The following STX8 variants were observed in gnomAD, a reference collection of about 807,000 sequenced individuals.
The protein encoded by STX8 is syntaxin-8.
A neutral mutation model predicts 37.5 loss-of-function variants in STX8; 23 were observed. That is an observed-to-expected ratio of 0.61 (90% confidence interval 0.44 to 0.87). The LOEUF (loss-of-function observed/expected upper bound fraction) is 0.87, where lower values mean the gene tolerates loss of function less well. STX8 is among the 40% of genes least tolerant of loss of function. The pLI is 0.00. For synonymous variants in STX8, 115 were observed against 99.1 expected (o/e 1.16, Z -0.95); for missense variants, 313 against 284.7 (o/e 1.10, Z -0.71).
Position 9,536,874 on chromosome 17 carries a change from G to C in STX8, c.323+8298C>G, listed in dbSNP as rs9900077. Among the ~76,000 whole-genome samples, 522 of 152,008 alleles carry C rather than the reference G, an allele frequency of 3.4e-3. 2 individuals carry two copies. Among genetic ancestry groups the C allele is most frequent in the African/African-American group, 0.012 (487 of 41,474 alleles). On this transcript the variant is annotated intron_variant, in intron 4 of 7. Transcript: ENST00000306357. ...TTCTCCTGCCTCAGCCTCCCGAATA[G>C]CTGGGATTACAAGCGCCCGCCACCA...
chr17:9,522,548 A>C (rs1269927538), intron 4 of STX8, among the ~76,000 whole-genome samples: 22 of 150,924 alleles, frequency 1.5e-4, no homozygotes, highest in African/African-American at 5.4e-4. Context: ...ATCCAAAAAA[A>C]AAAAAAAAAA....
chr17:9,396,827 T>TA (rs1441208238), intron 6 of STX8, among the ~76,000 whole-genome samples: 1 of 152,062 alleles, frequency 6.6e-6, no homozygotes, highest in South Asian at 2.1e-4. Context: ...GAATGTACAT[T>TA]AAAAAAACAA....
At chr17:9,434,448 G>A (rs1414612413) in intron 6 of STX8, among the ~76,000 whole-genome samples, 3 of 152,230 alleles carry the variant, frequency 2.0e-5, no homozygotes, top group African/African-American at 7.2e-5. Flanking sequence ...GAACACTAAA[G>A]GACTTGTGGC....
At chr17:9,518,590 C>T (rs777600333) in intron 4 of STX8, among the ~76,000 whole-genome samples, 5 of 152,170 alleles carry the variant, frequency 3.3e-5, no homozygotes, top group Non-Finnish European at 7.3e-5. Context: ...TGCTAGCAGC[C>T]AGGCGTGGTG....
chr17:9,539,310 A>C (rs923017513), intron 4 of STX8, among the ~76,000 whole-genome samples: 1 of 149,712 alleles, frequency 6.7e-6, no homozygotes, highest in Non-Finnish European at 1.5e-5. Flanking sequence ...GGGATGGGGA[A>C]GAAAGAGAGG....
intron 4 of STX8, among the ~76,000 whole-genome samples, chr17:9,534,554 G>C (rs1226960494): frequency 6.6e-6 from 1 of 152,202 alleles, no homozygotes; most frequent in Non-Finnish European, 1.5e-5. Flanking sequence ...ACTTTGGGAG[G>C]CCGAGCTAGG....
At chr17:9,342,444 A>G (rs1910392661) in intron 7 of STX8, among the ~76,000 whole-genome samples, 1 of 152,134 alleles carries the variant, frequency 6.6e-6, no homozygotes, top group Non-Finnish European at 1.5e-5. Flanking sequence ...AGAAAATGCA[A>G]AGGGAGAGCC....
chr17:9,409,379 C>G (rs1220471052), intron 6 of STX8, among the ~76,000 whole-genome samples: 1 of 152,152 alleles, frequency 6.6e-6, no homozygotes, highest in Non-Finnish European at 1.5e-5. Flanking sequence ...GGAAAAGGCA[C>G]TGATTCCAGG....
At chr17:9,385,660 T>C (rs1440936283) in intron 6 of STX8, among the ~76,000 whole-genome samples, 1 of 152,244 alleles carries the variant, frequency 6.6e-6, no homozygotes, top group African/African-American at 2.4e-5. Flanking sequence ...CTTACAATAC[T>C]AATTGTTGGG....
intron 7 of STX8, among the ~76,000 whole-genome samples, chr17:9,300,308 G>A (rs1241212538): frequency 9.0e-6 from 1 of 111,580 alleles, no homozygotes; most frequent in African/African-American, 3.2e-5. Flanking sequence ...TCCAGCCTGG[G>A]CAACAAGAGC....
At chr17:9,475,149 C>G (rs1017874019) in intron 6 of STX8, among the ~76,000 whole-genome samples, 1 of 152,142 alleles carries the variant, frequency 6.6e-6, no homozygotes, top group African/African-American at 2.4e-5. Context: ...CCAAAGAGCA[C>G]AATGAAATGG....
chr17:9,344,470 A>G (rs188775938), intron 7 of STX8, among the ~76,000 whole-genome samples: 2 of 152,280 alleles, frequency 1.3e-5, no homozygotes, highest in Admixed American at 1.3e-4. Context: ...CATGTTGGTC[A>G]GGCTGGTCTC....
intron 6 of STX8, among the ~76,000 whole-genome samples, chr17:9,484,773 G>A (rs953576021): frequency 6.6e-6 from 1 of 152,150 alleles, no homozygotes; most frequent in Non-Finnish European, 1.5e-5. Context: ...GTTGCCATGA[G>A]GCGAGATCGT....
intron 3 of STX8, among the ~76,000 whole-genome samples, chr17:9,547,968 T>G (rs1245929190): frequency 6.6e-6 from 1 of 151,520 alleles, no homozygotes. Flanking sequence ...TTTTTGTGGG[T>G]TTTTTTGAGA....
chr17:9,425,550 C>G (rs1165157796), intron 6 of STX8, among the ~76,000 whole-genome samples: 1 of 152,152 alleles, frequency 6.6e-6, no homozygotes, highest in African/African-American at 2.4e-5. Flanking sequence ...CTGAGCACGA[C>G]ACGGACTTTA....
intron 6 of STX8, among the ~76,000 whole-genome samples, chr17:9,382,744 T>C (rs1911866151): frequency 6.6e-6 from 1 of 152,196 alleles, no homozygotes; most frequent in African/African-American, 2.4e-5. Context: ...CTTTTCATCA[T>C]GATGAAAGGA....
intron 7 of STX8, among the ~76,000 whole-genome samples, chr17:9,329,109 T>C (rs1422271114): frequency 1.4e-5 from 2 of 138,298 alleles, no homozygotes; most frequent in South Asian, 2.6e-4. Flanking sequence ...CCTAATGAAT[T>C]CCCAGAGCAT....
intron 7 of STX8, among the ~76,000 whole-genome samples, chr17:9,251,240 GCCACTCTGCCTTCCAGCC>G (rs980610868): frequency 8.5e-5 from 13 of 152,228 alleles, no homozygotes; most frequent in African/African-American, 2.2e-4. Flanking sequence ...CATGCTGGGT[GCCACTCTGCCTTCCAGCC>G]CCGCCCTGCC....
chr17:9,529,938 T>A (rs1252200510), intron 4 of STX8, among the ~76,000 whole-genome samples: 1 of 152,018 alleles, frequency 6.6e-6, no homozygotes, highest in Non-Finnish European at 1.5e-5. Flanking sequence ...TATGATTCCA[T>A]CAGTGAATAG....
Sources: gnomAD v4.1 joint callset for allele counts (sites outside exome capture counted in the v4.1 genomes callset) on GRCh38, gnomAD v4.1.1 for gene constraint, MANE v1.5 for transcripts, NCBI Gene and HGNC (gene_info 2026-07-23, HGNC 2026-07-21) for gene names.